Variants in FAM53B observed in about 807,000 individuals in gnomAD.
FAM53B encodes the protein family with sequence similarity 53 member B, also known as protein FAM53B.
FAM53B carries 12 observed loss-of-function variants against 32.7 expected under a neutral mutation model. That is an observed-to-expected ratio of 0.37 (90% CI 0.24 to 0.59). FAM53B has a LOEUF of 0.59. Among genes scored for constraint, FAM53B ranks in the 20% least tolerant of loss-of-function variants. The pLI is 0.72. For missense variants in FAM53B, 477 were observed against 577.7 expected (o/e 0.83, Z 1.79); for synonymous variants, 234 against 228.7 (o/e 1.02, Z -0.21).
At chr10:124,661,942 G>T (rs1320064739) in intron 4 of FAM53B, among the ~76,000 whole-genome samples, 1 of 152,218 alleles carries the variant, frequency 6.6e-6, no homozygotes, top group Non-Finnish European at 1.5e-5. Flanking sequence ...CCAGGTCTGG[G>T]CTCCGATCGG....
At chr10:124,649,354 C>A (rs995332852) in intron 4 of FAM53B, among the ~76,000 whole-genome samples, 4 of 152,180 alleles carry the variant, frequency 2.6e-5, no homozygotes, top group African/African-American at 4.8e-5. Flanking sequence ...AGCTTGGCAC[C>A]CTCTGACCAC....
intron 4 of FAM53B, among the ~76,000 whole-genome samples, chr10:124,641,310 C>T (rs1425129182): frequency 1.3e-5 from 2 of 152,244 alleles, no homozygotes. Context: ...GTAACCCTTC[C>T]AGTGCAGATG....
At chr10:124,679,121 G>T (rs556655391) in intron 4 of FAM53B, among the ~76,000 whole-genome samples, 1 of 152,200 alleles carries the variant, frequency 6.6e-6, no homozygotes, top group Non-Finnish European at 1.5e-5. Context: ...AAAGGCCCAC[G>T]AAAGAGAAGC....
chr10:124,706,118 C>G (rs1949955934), intron 2 of FAM53B, among the ~76,000 whole-genome samples: 1 of 152,180 alleles, frequency 6.6e-6, no homozygotes. Flanking sequence ...TACCTCTCTG[C>G]GCTAGTCCAC....
chr10:124,722,980 C>T (rs946298455), intron 1 of FAM53B, among the ~76,000 whole-genome samples: 1 of 152,236 alleles, frequency 6.6e-6, no homozygotes, highest in African/African-American at 2.4e-5. Context: ...CCACCCACTT[C>T]CCCTGCTCCC....
At chr10:124,677,207 G>A (rs994789002) in intron 4 of FAM53B, among the ~76,000 whole-genome samples, 3 of 152,216 alleles carry the variant, frequency 2.0e-5, no homozygotes, top group Non-Finnish European at 4.4e-5. Flanking sequence ...CTCAAGTCTT[G>A]CTGGGAGCCA....
At chr10:124,666,201 G>A (rs1949671342) in intron 4 of FAM53B, among the ~76,000 whole-genome samples, 1 of 152,242 alleles carries the variant, frequency 6.6e-6, no homozygotes, top group African/African-American at 2.4e-5. Flanking sequence ...CCTCCCAGAA[G>A]GGTGGGGCAA....
intron 4 of FAM53B, among the ~76,000 whole-genome samples, chr10:124,626,216 G>A (rs1445896894): frequency 6.6e-6 from 1 of 152,250 alleles, no homozygotes; most frequent in East Asian, 1.9e-4. Context: ...CGCAGCCTGC[G>A]CAATCGGACA....
chr10:124,681,823 A>G lies in FAM53B; in HGVS notation c.690T>C (p.Ser230=), dbSNP rs763007924. 1.9e-6 allele frequency: 3 copies of G among 1,611,704 alleles called. No individual in the cohort carries two copies. The highest frequency in any genetic ancestry group is 4.5e-5 in the East Asian group (2 of 44,820). ...GGRLDLQRSL[S]CSHEQFSFVE... is the part of the protein sequence containing the mutation. Reference sequence around the variant, plus strand: ...CAAAGGAAAACTGCTCATGTGAGCAAGAGAGGGACCGCTGCAGGTCCAGCC... The same window carrying G: ...CAAAGGAAAACTGCTCATGTGAGCAGGAGAGGGACCGCTGCAGGTCCAGCC... The change falls in exon 4 of 5, where the codon TCT becomes TCC. Residue 230 remains serine (S), a synonymous_variant. Transcript: ENST00000337318.
intron 4 of FAM53B, among the ~76,000 whole-genome samples, chr10:124,676,010 C>T (rs978206423): frequency 6.6e-6 from 1 of 152,240 alleles, no homozygotes; most frequent in African/African-American, 2.4e-5. Context: ...GATTGATTAG[C>T]AATGTCTGTC....
chr10:124,676,779 C>T (rs546011841), intron 4 of FAM53B, among the ~76,000 whole-genome samples: 1 of 152,298 alleles, frequency 6.6e-6, no homozygotes, highest in Non-Finnish European at 1.5e-5. Flanking sequence ...AGGAATACGG[C>T]TCTCAGAGGC....
At chr10:124,743,566 T>A (rs924128719) in intron 1 of FAM53B, among the ~76,000 whole-genome samples, 3 of 152,116 alleles carry the variant, frequency 2.0e-5, no homozygotes, top group Non-Finnish European at 4.4e-5. Flanking sequence ...CTGCAAACGA[T>A]GCGGGAACTT....
chr10:124,638,754 A>C (rs1042253651), intron 4 of FAM53B, among the ~76,000 whole-genome samples: 1 of 152,212 alleles, frequency 6.6e-6, no homozygotes, highest in African/African-American at 2.4e-5. Flanking sequence ...GGCGAGGACA[A>C]GGTGGCAGAC....
chr10:124,641,730 G>C (rs1449331181), intron 4 of FAM53B, among the ~76,000 whole-genome samples: 1 of 152,226 alleles, frequency 6.6e-6, no homozygotes, highest in African/African-American at 2.4e-5. Context: ...TTGGGAGCCA[G>C]AGAGGAGAGG....
intron 1 of FAM53B, among the ~76,000 whole-genome samples, chr10:124,723,904 C>A (rs1463351140): frequency 6.6e-6 from 1 of 152,234 alleles, no homozygotes; most frequent in Non-Finnish European, 1.5e-5. Flanking sequence ...TGTAGTTGAA[C>A]CGGCAAATCT....
At chr10:124,646,395 G>A (rs182513279) in intron 4 of FAM53B, among the ~76,000 whole-genome samples, 52 of 152,362 alleles carry the variant, frequency 3.4e-4, no homozygotes, top group Admixed American at 9.8e-4. Context: ...CCTGACAGGA[G>A]AGAGGAGGAG....
At chr10:124,665,258 G>A (rs1949661924) in intron 4 of FAM53B, among the ~76,000 whole-genome samples, 1 of 152,226 alleles carries the variant, frequency 6.6e-6, no homozygotes, top group South Asian at 2.1e-4. Context: ...ACCTGAGTGA[G>A]GTTCAAGTCC....
At chr10:124,667,173 G>A in intron 4 of FAM53B, 1 of 542,038 alleles carries the variant, frequency 1.8e-6, no homozygotes, top group Non-Finnish European at 3.3e-6. Context: ...AAACCAGTAA[G>A]AAAAAAGAAC....
intron 4 of FAM53B, among the ~76,000 whole-genome samples, chr10:124,669,796 A>G (rs529271620): frequency 2.4e-4 from 36 of 152,296 alleles, no homozygotes; most frequent in African/African-American, 8.4e-4. Context: ...CGCAGCCAGC[A>G]AGTACATGGC....
Sources: allele counts gnomAD v4.1 joint callset (sites outside exome capture counted in the v4.1 genomes callset), GRCh38; gene constraint gnomAD v4.1.1; transcripts MANE v1.5; gene names NCBI Gene and HGNC (gene_info 2026-07-23, HGNC 2026-07-21).